MAPKBP1: variants seen among roughly 807,000 people sequenced by gnomAD.
MAPKBP1 encodes the protein mitogen-activated protein kinase-binding protein 1.
A neutral mutation model predicts 170.5 loss-of-function variants in MAPKBP1; 71 were observed. The ratio of observed to expected loss-of-function variants is 0.42; its 90% CI spans 0.34 to 0.51. MAPKBP1 has a LOEUF of 0.51. MAPKBP1 is among the 20% of genes least tolerant of loss of function. MAPKBP1 has a pLI of 0.06. For synonymous variants in MAPKBP1, 719 were observed against 757.9 expected, an observed-to-expected ratio of 0.95 and a Z score of 0.84; for missense variants, 1,598 against 1,933.0, an observed-to-expected ratio of 0.83 and a Z score of 3.25.
intron 2 of MAPKBP1, among the ~76,000 whole-genome samples, chr15:41,798,682 T>C (rs901059115): frequency 6.6e-6 from 1 of 152,184 alleles, no homozygotes; most frequent in Non-Finnish European, 1.5e-5. Flanking sequence ...CTCTAGAAAC[T>C]GGCCTGGACT....
At chr15:41,819,739 T>A (rs1017245223) in intron 22 of MAPKBP1, 89 bp downstream of exon 22, 2 of 1,328,456 alleles carry the variant, frequency 1.5e-6, no homozygotes, top group Non-Finnish European at 2.1e-6. Context: ...GGTAGGGTAC[T>A]GGGGCATGGG....
intron 2 of MAPKBP1, among the ~76,000 whole-genome samples, chr15:41,790,073 G>A (rs555508653): frequency 6.0e-4 from 91 of 152,326 alleles, no homozygotes; most frequent in African/African-American, 2.0e-3. Context: ...GTTGTCAAGA[G>A]TATTAAATGA....
intron 26 of MAPKBP1, 51 bp downstream of exon 26, chr15:41,822,473 C>T (rs776827038): frequency 6.2e-6 from 10 of 1,605,096 alleles, no homozygotes; most frequent in Non-Finnish European, 5.1e-6. Flanking sequence ...CTTCTCCCCT[C>T]CTTGCCTACC....
In MAPKBP1 at chr15:41,775,242, G is replaced by A; in HGVS notation, c.-34G>A. The A allele has an allele frequency of 6.4e-7, 1 of 1,564,654 alleles. No individual in the cohort carries two copies. The highest frequency in any genetic ancestry group is 8.8e-7 in the Non-Finnish European group (1 of 1,135,364). On this transcript the variant is annotated 5_prime_UTR_variant, in exon 2 of 31. Coordinates refer to ENST00000457542, the MANE Select transcript of MAPKBP1 (RefSeq NM_014994.3). ...GCTGTTGAGACAAGACCCAGGACTG[G>A]GCCGGGGACTGTCCCAAAGGGTTTC... is the stretch of plus-strand genomic sequence containing the variant.
Position 41,816,605 on chromosome 15 carries a change from CA to C in MAPKBP1, c.1541del (p.His514LeufsTer17), listed in dbSNP as rs2064896219. 6.2e-7 allele frequency: 1 copy of C among 1,613,916 alleles called. No homozygotes were observed. The highest frequency in any genetic ancestry group is 8.5e-7 in the Non-Finnish European group (1 of 1,180,048). The part of the protein sequence containing the change: ...SLSEMLKVEA[H>X]DSEILCLEYS... Reference sequence around the variant, plus strand: ...GAGTGAGATGCTGAAGGTGGAGGCCCATGACTCTGAGATTCTGTGCCTGGAG... The same window carrying C: ...GAGTGAGATGCTGAAGGTGGAGGCCCTGACTCTGAGATTCTGTGCCTGGAG... On this transcript the variant is annotated frameshift_variant, in exon 13 of 31. Coordinates refer to ENST00000457542, the MANE Select transcript of MAPKBP1 (RefSeq NM_014994.3). LOFTEE classifies it high-confidence loss of function.
At chr15:41,805,722 T>A (rs1235348310) in intron 3 of MAPKBP1, among the ~76,000 whole-genome samples, 2 of 152,222 alleles carry the variant, frequency 1.3e-5, no homozygotes, top group African/African-American at 4.8e-5. Context: ...CTGAACTGTG[T>A]TCTCGTGACA....
chr15:41,822,227 T>G lies in MAPKBP1; in HGVS notation c.3034T>G (p.Ser1012Ala), dbSNP rs778843040. The G allele has an allele frequency of 2.4e-5, 38 of 1,611,864 alleles. No individual in the cohort carries two copies. The highest frequency in any genetic ancestry group is 3.3e-5 in the Admixed American group (2 of 59,880). ...LSSPEHPTEDSESTEPLSVDG... is the reference protein window; with the variant it reads ...LSSPEHPTEDAESTEPLSVDG... ...CTCTCTCCCCTCCCCACACCCAGAC[T>G]CTGAGAGCACGGAGCCCCTCAGTGT... is the stretch of plus-strand genomic sequence containing the variant. Residue 1012 changes from serine to alanine, a missense_variant and splice_region_variant, in exon 26 of 31, where the codon TCT becomes GCT. Coordinates refer to ENST00000457542, the MANE Select transcript of MAPKBP1 (RefSeq NM_014994.3).
intron 2 of MAPKBP1, among the ~76,000 whole-genome samples, chr15:41,784,295 G>A (rs1012544883): frequency 6.6e-6 from 1 of 152,140 alleles, no homozygotes; most frequent in Non-Finnish European, 1.5e-5. Context: ...AGCTGTCACT[G>A]AGATACTGCC....
rs762867127 is a variant in MAPKBP1 at position 41,814,571 on chromosome 15, G to A, written c.1002G>A (p.Ala334=). The change falls in exon 10 of 31, where the codon GCG becomes GCA. Residue 334 remains alanine, a synonymous_variant. Coordinates refer to ENST00000457542, the MANE Select transcript of MAPKBP1 (RefSeq NM_014994.3). ...TEASRLFSGV[A]NARYPDTIAL... ...ACAGTCGCCTCTTCTCTGGAGTGGC[G>A]AATGCCAGGTATCCAGACACCATTG... The A allele has an allele frequency of 2.4e-5, 39 of 1,613,948 alleles. No homozygotes were observed. Among genetic ancestry groups the A allele is most frequent in the South Asian group, 5.5e-5 (5 of 91,068 alleles).
At chr15:41,787,438 G>A (rs1282502907) in intron 2 of MAPKBP1, among the ~76,000 whole-genome samples, 1 of 151,976 alleles carries the variant, frequency 6.6e-6, no homozygotes, top group East Asian at 1.9e-4. Context: ...TGTGATCGCG[G>A]CTCATTGCAG....
In MAPKBP1 at chr15:41,826,324, T is replaced by C. The variant is rs1384897929; in HGVS notation, c.*888T>C. On this transcript the variant is annotated 3_prime_UTR_variant, in exon 31 of 31. Coordinates refer to ENST00000457542, the MANE Select transcript of MAPKBP1 (RefSeq NM_014994.3). Reference sequence around the variant, plus strand: ...GAAGCCTGTGTTGGAACATCCCTCGTTTACGGGGCGCTGGCCTACCTCCTG... The same window carrying C: ...GAAGCCTGTGTTGGAACATCCCTCGCTTACGGGGCGCTGGCCTACCTCCTG... 6.6e-6 allele frequency: 1 copy of C among 152,502 alleles called. No individual in the cohort carries two copies. The highest frequency in any genetic ancestry group is 6.5e-5 in the Admixed American group (1 of 15,282). The allele number at this position is 152,502 out of a possible 1,614,324, so 9.4% of individuals were successfully genotyped here.
chr15:41,817,820 C>A lies in MAPKBP1; in HGVS notation c.1904+85C>A, dbSNP rs2064919739. 2 of 1,586,704 alleles carry A rather than the reference C, an allele frequency of 1.3e-6. No homozygotes were observed. Among genetic ancestry groups the A allele is most frequent in the East Asian group, 2.3e-5 (1 of 44,128 alleles). Reference sequence around the variant, plus strand: ...TGTGCAGCTAAGTTCCCACATCTGTCGTTCTGTACAGGACTTTGTACCCCC... The same window carrying A: ...TGTGCAGCTAAGTTCCCACATCTGTAGTTCTGTACAGGACTTTGTACCCCC... On this transcript the variant is annotated intron_variant, in intron 16 of 30. Coordinates refer to ENST00000457542, the MANE Select transcript of MAPKBP1 (RefSeq NM_014994.3). This position sits in a 1 kb window ranked among gnomAD's most constrained non-coding sequence, Gnocchi z 4.2.
At chr15:41,815,192 A>G (rs953537092) in intron 10 of MAPKBP1, 67 bp from the exon 11 acceptor site, 3 of 1,591,476 alleles carry the variant, frequency 1.9e-6, no homozygotes, top group African/African-American at 2.7e-5. Context: ...ATTCCCTTCC[A>G]TCTCCTTGGG....
rs765327605 is a variant in MAPKBP1 at position 41,821,747 on chromosome 15, C to T, written c.2882C>T (p.Thr961Ile). ...CCGAGTGACAACCCCACCATGGATA[C>T]CAGGCAAGGATCCTGCCCTAGCCAG... ...PEPSDNPTMD[T>I]SEFQVQAPAR... Residue 961 changes from threonine to isoleucine, a missense_variant, in exon 24 of 31, where the codon ACC (threonine) becomes ATC (isoleucine). Thr to Ile is a moderately conservative substitution (Grantham distance 89, BLOSUM62 -1). Transcript: ENST00000457542. 5 of 1,613,656 alleles carry T rather than the reference C, an allele frequency of 3.1e-6. No homozygotes were observed.
chr15:41,819,549 G>GGC, intron 21 of MAPKBP1, 46 bp from the exon 22 acceptor site: 1 of 1,448,748 alleles, frequency 6.9e-7, no homozygotes, highest in Non-Finnish European at 9.3e-7. Flanking sequence ...TTGGGTGGCG[G>GGC]GGGGGGGGCA....
In MAPKBP1 at chr15:41,775,289, G is replaced by A. The variant is rs1207431897; in HGVS notation, c.14G>A (p.Gly5Glu). ...TTTCTCGTCATAATGGCTGTGGAAG[G>A]GTCAACCATTACCAGCCGGATCAAG... MAVE[G>E]STITSRIKNL... Residue 5 changes from glycine to glutamate, a missense_variant, in exon 2 of 31, where the codon GGG becomes GAG. Physicochemically the swap from Gly to Glu is moderately conservative, Grantham distance 98. Around this residue, in one of 6 missense-constraint regions of MAPKBP1, gnomAD observed 151 missense variants for 191.4 expected, o/e 0.79. Transcript: ENST00000457542. 2.5e-6 allele frequency: 4 copies of A among 1,613,924 alleles called. No homozygotes were observed. Among genetic ancestry groups the A allele is most frequent in the East Asian group, 4.5e-5 (2 of 44,882 alleles).
chr15:41,784,283 G>A (rs1346132863), intron 2 of MAPKBP1, among the ~76,000 whole-genome samples: 1 of 152,178 alleles, frequency 6.6e-6, no homozygotes, highest in African/African-American at 2.4e-5. Context: ...GGCCCGTACA[G>A]CAGCTGTCAC....
chr15:41,812,229 A>AC (rs2064819149), intron 6 of MAPKBP1, 102 bp downstream of exon 6: 1 of 1,447,966 alleles, frequency 6.9e-7, no homozygotes. Context: ...CACCCCACTG[A>AC]ACCATTCTCA....
chr15:41,809,274 AG>A (rs201117329), intron 3 of MAPKBP1, among the ~76,000 whole-genome samples: 7 of 146,302 alleles, frequency 4.8e-5, no homozygotes, highest in Non-Finnish European at 7.6e-5. Flanking sequence ...AGAAAGAAGG[AG>A]GAAAAAAAAA....
Sources: allele counts gnomAD v4.1 joint callset (sites outside exome capture counted in the v4.1 genomes callset), GRCh38; gene constraint gnomAD v4.1.1; regional missense constraint gnomAD v4.1.1; non-coding constraint Gnocchi (gnomAD v3.1); transcripts MANE v1.5; gene names NCBI Gene and HGNC (gene_info 2026-07-23, HGNC 2026-07-21).